EBF1: variants seen among roughly 807,000 people sequenced by gnomAD.
EBF1 encodes the protein transcription factor COE1.
A neutral mutation model predicts 68.4 loss-of-function variants in EBF1; 10 were observed. The observed-to-expected ratio is 0.15, with a 90% CI of 0.09 to 0.25. EBF1 has a LOEUF of 0.25. Ranked by LOEUF, EBF1 falls within the 10% of genes least tolerant of loss-of-function variation. The pLI is 1.00. For synonymous variants in EBF1, 298 were observed against 299.8 expected (o/e 0.99, Z 0.06); for missense variants, 509 against 794.4 (o/e 0.64, Z 4.32).
At chr5:158,730,531 T>G (rs1763887775) in intron 11 of EBF1, among the ~76,000 whole-genome samples, 1 of 152,248 alleles carries the variant, frequency 6.6e-6, no homozygotes, top group African/African-American at 2.4e-5. Context: ...CCCAACCAGG[T>G]AGAATGCCTT....
At chr5:158,987,887 A>G (rs780930095) in intron 6 of EBF1, among the ~76,000 whole-genome samples, 28 of 152,230 alleles carry the variant, frequency 1.8e-4, no homozygotes, top group Non-Finnish European at 2.9e-4. Context: ...GAAGGAGGAA[A>G]GTCAAAGGCC....
intron 6 of EBF1, among the ~76,000 whole-genome samples, chr5:158,916,683 T>A (rs928780692): frequency 6.6e-5 from 10 of 152,232 alleles, no homozygotes; most frequent in African/African-American, 2.4e-4. Flanking sequence ...TAACCTAATA[T>A]GTACTCTGGG....
intron 10 of EBF1, among the ~76,000 whole-genome samples, chr5:158,739,935 C>T (rs1236958225): frequency 6.6e-6 from 1 of 152,130 alleles, no homozygotes; most frequent in Admixed American, 6.5e-5. Flanking sequence ...AATAGGCAGG[C>T]GATAAACCGC....
At chr5:158,981,146 T>C (rs1026345971) in intron 6 of EBF1, among the ~76,000 whole-genome samples, 4 of 151,916 alleles carry the variant, frequency 2.6e-5, no homozygotes, top group African/African-American at 9.7e-5. Flanking sequence ...TAGCTAACCA[T>C]TTCCAAATGT....
chr5:158,834,373 C>A (rs1446722839), intron 7 of EBF1, among the ~76,000 whole-genome samples: 2 of 152,080 alleles, frequency 1.3e-5, no homozygotes, highest in Non-Finnish European at 2.9e-5. Context: ...CCCCAGCTTG[C>A]TCCCCTTCTC....
chr5:158,707,606 G>T (rs1019194246), intron 15 of EBF1: 2 of 269,724 alleles, frequency 7.4e-6, no homozygotes, highest in African/African-American at 4.2e-5. Context: ...CCCTGCACTG[G>T]AGAACTTGCT....
At chr5:159,080,435 T>C (rs1779556625) in intron 5 of EBF1, among the ~76,000 whole-genome samples, 1 of 152,208 alleles carries the variant, frequency 6.6e-6, no homozygotes, top group Admixed American at 6.5e-5. Context: ...TCTCCGTTTT[T>C]GAGTGTTTTG....
At chr5:158,919,410 G>C (rs1326588663) in intron 6 of EBF1, among the ~76,000 whole-genome samples, 19 of 152,072 alleles carry the variant, frequency 1.2e-4, no homozygotes, top group Non-Finnish European at 4.4e-5. Flanking sequence ...GAACAATCTT[G>C]ATGCCTGCAA....
intron 6 of EBF1, among the ~76,000 whole-genome samples, chr5:158,997,937 A>G (rs935325064): frequency 6.6e-6 from 1 of 152,084 alleles, no homozygotes; most frequent in East Asian, 1.9e-4. Flanking sequence ...ATACCTTTGC[A>G]TATGTTGTTC....
intron 8 of EBF1, among the ~76,000 whole-genome samples, chr5:158,814,002 C>T (rs1783201165): frequency 6.6e-6 from 1 of 152,062 alleles, no homozygotes; most frequent in Admixed American, 6.5e-5. Context: ...CAAATCAATG[C>T]AATTGGAATT....
At chr5:158,952,998 T>A (rs937855918) in intron 6 of EBF1, among the ~76,000 whole-genome samples, 1 of 152,196 alleles carries the variant, frequency 6.6e-6, no homozygotes, top group Non-Finnish European at 1.5e-5. Flanking sequence ...AATCCTTTTT[T>A]TTTTTTAAGC....
Position 158,714,017 on chromosome 5 carries a change from A to G in EBF1, c.1191+100T>C, listed in dbSNP as rs1040029933. The G allele has an allele frequency of 7.9e-5, 100 of 1,259,100 alleles. No homozygotes were observed. In the African/African-American group the frequency reaches 1.2e-3, roughly 14 times the overall value. 78.0% of individuals were successfully genotyped at this position (1,259,100 alleles called of 1,614,324 possible). On this transcript the variant is annotated intron_variant, in intron 12 of 15. Transcript: ENST00000313708. ...TTACTTATACTCTTAACTCATGCAC[A>G]TGGCTTTTATATTGTTTGTGCTTTC...
chr5:158,894,399 T>A (rs3035131), intron 6 of EBF1, among the ~76,000 whole-genome samples: 2 of 151,900 alleles, frequency 1.3e-5, no homozygotes, highest in Non-Finnish European at 2.9e-5. Flanking sequence ...AGAAGGCAGA[T>A]AAATAAAAAG....
intron 10 of EBF1, among the ~76,000 whole-genome samples, chr5:158,736,927 C>T (rs574579538): frequency 5.9e-5 from 9 of 152,318 alleles, no homozygotes; most frequent in African/African-American, 1.9e-4. Flanking sequence ...AAATTTGTTG[C>T]ATTTCCAGCC....
intron 11 of EBF1, among the ~76,000 whole-genome samples, chr5:158,729,183 C>A (rs1350504913): frequency 6.6e-6 from 1 of 152,166 alleles, no homozygotes; most frequent in African/African-American, 2.4e-5. Context: ...CAACATAGCA[C>A]CATCCACATT....
chr5:159,061,648 G>A (rs1193283019), intron 6 of EBF1, among the ~76,000 whole-genome samples: 1 of 152,148 alleles, frequency 6.6e-6, no homozygotes, highest in Admixed American at 6.5e-5. Flanking sequence ...GGCCCCCAGT[G>A]TCCGGCTCGG....
intron 5 of EBF1, among the ~76,000 whole-genome samples, chr5:159,084,423 A>C (rs1780273914): frequency 6.6e-6 from 1 of 152,302 alleles, no homozygotes; most frequent in East Asian, 1.9e-4. Context: ...GCCCATTAAC[A>C]GTGTGATATC....
chr5:159,006,627 A>G lies in EBF1; in HGVS notation c.554+66769T>C, dbSNP rs532691801. Reference sequence around the variant, plus strand: ...TAGGTTTGTAATTTCACAAACTCATATAACCAATCATAGCCATGTTAAAAA... The same window carrying G: ...TAGGTTTGTAATTTCACAAACTCATGTAACCAATCATAGCCATGTTAAAAA... On this transcript the variant is annotated intron_variant, in intron 6 of 15. Coordinates refer to ENST00000313708, the MANE Select transcript of EBF1 (RefSeq NM_024007.5). Among the ~76,000 whole-genome samples, 17 of 144,344 alleles carry G rather than the reference A, an allele frequency of 1.2e-4. No individual in the cohort carries two copies. The South Asian group carries it at 3.7e-3, about 32-fold the overall frequency. 94.7% of individuals were successfully genotyped at this position (144,344 alleles called of 152,430 possible). A position where few individuals can be genotyped will look rare whatever the true frequency, so the allele number is the denominator to read the frequency against.
At chr5:158,888,255 C>CGTGT (rs145411857) in intron 6 of EBF1, among the ~76,000 whole-genome samples, 3 of 150,670 alleles carry the variant, frequency 2.0e-5, no homozygotes, top group Non-Finnish European at 4.4e-5. Flanking sequence ...ATTTTTTATT[C>CGTGT]GTGTGTGTGT....
Sources: gnomAD v4.1 joint callset for allele counts (sites outside exome capture counted in the v4.1 genomes callset) on GRCh38, gnomAD v4.1.1 for gene constraint, MANE v1.5 for transcripts, NCBI Gene and HGNC (gene_info 2026-07-23, HGNC 2026-07-21) for gene names.